The following FHIP2A variants were observed in gnomAD, a reference collection of about 807,000 sequenced individuals.
FHIP2A encodes family with sequence similarity 160 member B1.
Under a neutral mutation model 93.5 loss-of-function variants are expected in FHIP2A, and 46 were observed. That is an observed-to-expected ratio of 0.49 (90% CI 0.39 to 0.63). The LOEUF is 0.63. Ranked by LOEUF, FHIP2A falls within the 20% of genes least tolerant of loss-of-function variation. The pLI is 0.00. For missense variants in FHIP2A, 769 were observed against 909.7 expected, an observed-to-expected ratio of 0.85 and a Z score of 1.99; for synonymous variants, 332 against 326.5, an observed-to-expected ratio of 1.02 and a Z score of -0.18.
Position 114,855,210 on chromosome 10 carries a change from G to T in FHIP2A, c.1817G>T (p.Cys606Phe), listed in dbSNP as rs1319980593. The T allele has an allele frequency of 1.9e-6, 3 of 1,613,684 alleles. No individual in the cohort carries two copies. Among genetic ancestry groups the T allele is most frequent in the Non-Finnish European group, 2.5e-6 (3 of 1,179,878 alleles). Reference sequence around the variant, plus strand: ...TTTTCCCCCTAGTTCCGAGACTACTGTGCTATCTGCTTAAGATGGGAGTGG... The same window carrying T: ...TTTTCCCCCTAGTTCCGAGACTACTTTGCTATCTGCTTAAGATGGGAGTGG... ...RDAHRQFRDY[C>F]AICLRWEWPG... The change falls in exon 14 of 17, where the codon TGT becomes TTT. Residue 606 changes from cysteine to phenylalanine, a missense_variant. Physicochemically the swap from Cys to Phe is radical, Grantham distance 205. Transcript: ENST00000369248.
At position 114,822,044 on chromosome 10, in the gene FHIP2A, CGTCCCGGGAGAGGCTGCTGCA is replaced by C. The variant is rs2143008757; in HGVS notation, c.-25_-5del. On this transcript the variant is annotated 5_prime_UTR_variant, in exon 1 of 17. Transcript: ENST00000369248. ...CGGCGGATCGAGGAGCTCTCCAGGTCGTCCCGGGAGAGGCTGCTGCAGTCCCGGGACAGGATGTTCTCCAAG... is the reference window on the plus strand; with the variant it reads ...CGGCGGATCGAGGAGCTCTCCAGGTCGTCCCGGGACAGGATGTTCTCCAAG... 3.2e-6 allele frequency: 4 copies of C among 1,256,854 alleles called. No homozygotes were observed. The highest frequency in any genetic ancestry group is 4.1e-6 in the Non-Finnish European group (4 of 976,992). The allele number at this position is 1,256,854 out of a possible 1,614,324, so 77.9% of individuals were successfully genotyped here.
At chr10:114,876,100 C>T (rs886111446) in intron 16 of FHIP2A, among the ~76,000 whole-genome samples, 1 of 152,182 alleles carries the variant, frequency 6.6e-6, no homozygotes, top group Non-Finnish European at 1.5e-5. Flanking sequence ...GGCCCCCACC[C>T]TCCCGCTCAC....
At chr10:114,899,188 T>G (rs1214020194) in intron 16 of FHIP2A, among the ~76,000 whole-genome samples, 1 of 152,188 alleles carries the variant, frequency 6.6e-6, no homozygotes, top group Non-Finnish European at 1.5e-5. Flanking sequence ...AAGAAAACAT[T>G]GTTATTTTAA....
At chr10:114,830,448 T>A (rs566937922) in intron 1 of FHIP2A, among the ~76,000 whole-genome samples, 99 of 152,028 alleles carry the variant, frequency 6.5e-4, no homozygotes, top group Non-Finnish European at 1.3e-3. Context: ...AATTTTTGTA[T>A]TTTTAGTAGA....
rs2083635588 is a variant in FHIP2A, at chr10:114,836,140, G to A, written c.416G>A (p.Cys139Tyr). 1 of 1,587,906 alleles carries A rather than the reference G, an allele frequency of 6.3e-7. No individual in the cohort carries two copies. The highest frequency in any genetic ancestry group is 8.6e-7 in the Non-Finnish European group (1 of 1,161,702). The change falls in exon 5 of 17, where the codon TGT (cysteine) becomes TAT (tyrosine). Residue 139 changes from cysteine (C) to tyrosine (Y), a missense_variant. Cys to Tyr is a radical substitution (Grantham distance 194). Coordinates refer to ENST00000369248, the MANE Select transcript of FHIP2A (RefSeq NM_020940.4). ...TTTTCACAGAAATTAATTAGACTCT[G>A]TGGTGAAGTCCTAGCAACACCAACA... ...HRPVQKLIRL[C>Y]GEVLATPTEN...
chr10:114,864,202 A>G lies in FHIP2A; in HGVS notation c.*2662A>G. Reference sequence around the variant, plus strand: ...ATTGTTACACTTAATTTTACAGGGCACAAATTATGGAATTACTTCATAAAT... The same window carrying G: ...ATTGTTACACTTAATTTTACAGGGCGCAAATTATGGAATTACTTCATAAAT... On this transcript the variant is annotated 3_prime_UTR_variant, in exon 17 of 17. Transcript: ENST00000369248. 6 of 984,888 alleles carry G rather than the reference A, an allele frequency of 6.1e-6. No individual in the cohort carries two copies. The highest frequency in any genetic ancestry group is 7.2e-6 in the Non-Finnish European group (6 of 829,060). The allele number at this position is 984,888 out of a possible 1,614,324, so 61.0% of individuals were successfully genotyped here.
In FHIP2A at chr10:114,843,924, G is replaced by A; in HGVS notation, c.1000G>A (p.Ala334Thr). The A allele has an allele frequency of 1.3e-6, 2 of 1,568,612 alleles. No homozygotes were observed. Among genetic ancestry groups the A allele is most frequent in the Non-Finnish European group, 1.7e-6 (2 of 1,165,364 alleles). ...VDPLDIETVE[A>T]INWGLDSYSH... is the part of the protein sequence containing the mutation. ...TCCGTTAGATATTGAAACCGTGGAAGCAATTAACTGGGGGTAAGCACCGTT... is the reference window on the plus strand; with the variant it reads ...TCCGTTAGATATTGAAACCGTGGAAACAATTAACTGGGGGTAAGCACCGTT... Residue 334 changes from alanine (A) to threonine (T), a missense_variant, in exon 7 of 17, where the codon GCA (alanine) becomes ACA (threonine). Transcript: ENST00000369248.
At chr10:114,824,595 C>T (rs2083562779) in intron 1 of FHIP2A, among the ~76,000 whole-genome samples, 1 of 151,988 alleles carries the variant, frequency 6.6e-6, no homozygotes, top group South Asian at 2.1e-4. Flanking sequence ...ACCTTTTTTT[C>T]CCCCCTTTTA....
In FHIP2A at chr10:114,846,092, G is replaced by A. The variant is rs2083699146; in HGVS notation, c.1205+3G>A. On this transcript the variant is annotated splice_donor_region_variant and intron_variant, in intron 9 of 16. Coordinates refer to ENST00000369248, the MANE Select transcript of FHIP2A (RefSeq NM_020940.4). The stretch of plus-strand genomic sequence containing the variant: ...ATGGAACCTCAATTAATGCAAACGT[G>A]AGTAGCCTGTTTTCTTTTGAAAAAA... The A allele has an allele frequency of 5.6e-6, 9 of 1,613,606 alleles. No homozygotes were observed. The highest frequency in any genetic ancestry group is 7.6e-6 in the Non-Finnish European group (9 of 1,179,722).
chr10:114,849,214 C>G (rs2083720262), intron 13 of FHIP2A, among the ~76,000 whole-genome samples: 1 of 151,602 alleles, frequency 6.6e-6, no homozygotes, highest in African/African-American at 2.4e-5. Flanking sequence ...TTGCACTTCA[C>G]CGATTGTGTG....
intron 7 of FHIP2A, 51 bp from the exon 8 acceptor site, chr10:114,845,316 G>A (rs986188535): frequency 2.0e-6 from 2 of 1,006,172 alleles, no homozygotes; most frequent in Non-Finnish European, 3.2e-6. Flanking sequence ...TCTGAATAGG[G>A]TCCATGCTTT....
intron 5 of FHIP2A, among the ~76,000 whole-genome samples, chr10:114,838,397 TCGTGATGTG>T (rs1462846337): frequency 2.6e-5 from 4 of 152,210 alleles, no homozygotes; most frequent in Admixed American, 6.5e-5. Context: ...CGTGTGTTGT[TCGTGATGTG>T]CGTTATATTT....
chr10:114,826,292 G>A (rs2083575565), intron 1 of FHIP2A, among the ~76,000 whole-genome samples: 1 of 152,204 alleles, frequency 6.6e-6, no homozygotes, highest in African/African-American at 2.4e-5. Flanking sequence ...GAATGCCTAA[G>A]AATGTGTTCT....
rs2083807188 is a variant in FHIP2A, at chr10:114,862,634, T to C, written c.*1094T>C. 5.1e-6 allele frequency: 5 copies of C among 985,610 alleles called. No individual in the cohort carries two copies. The highest frequency in any genetic ancestry group is 6.1e-5 in the Admixed American group (1 of 16,280). 61.1% of individuals were successfully genotyped at this position (985,610 alleles called of 1,614,324 possible). A position where few individuals can be genotyped will look rare whatever the true frequency, so the allele number is the denominator to read the frequency against. ...GGGTATGTATGTGAATGGGTGTACA[T>C]GTAGGAACCTGTAGTTCAGCAAAGC... is the stretch of plus-strand genomic sequence containing the variant. On this transcript the variant is annotated 3_prime_UTR_variant, in exon 17 of 17. Transcript: ENST00000369248.
intron 1 of FHIP2A, among the ~76,000 whole-genome samples, chr10:114,828,771 G>T (rs964604203): frequency 2.0e-5 from 3 of 151,878 alleles, no homozygotes; most frequent in Non-Finnish European, 2.9e-5. Context: ...TACTCCCAAA[G>T]ATTTTAACTC....
intron 16 of FHIP2A, among the ~76,000 whole-genome samples, chr10:114,874,396 A>G (rs747210230): frequency 2.6e-5 from 4 of 152,256 alleles, no homozygotes; most frequent in Non-Finnish European, 5.9e-5. Context: ...ATTAGCTAGT[A>G]ACTAGCACAA....
chr10:114,881,504 C>T (rs1566386783), intron 16 of FHIP2A, among the ~76,000 whole-genome samples: 1 of 152,062 alleles, frequency 6.6e-6, no homozygotes, highest in South Asian at 2.1e-4. Context: ...CCAGGATTCC[C>T]CAGCTGGCCA....
At chr10:114,842,196 G>A (rs1303452257) in intron 5 of FHIP2A, among the ~76,000 whole-genome samples, 1 of 151,986 alleles carries the variant, frequency 6.6e-6, no homozygotes, top group Non-Finnish European at 1.5e-5. Context: ...CAAGGCCTAG[G>A]ACCATAGGTG....
intron 16 of FHIP2A, among the ~76,000 whole-genome samples, chr10:114,875,588 C>T (rs913207011): frequency 6.6e-6 from 1 of 151,956 alleles, no homozygotes; most frequent in Non-Finnish European, 1.5e-5. Context: ...CCCAGCTACT[C>T]AGGAGGCTGA....
Sources: allele counts gnomAD v4.1 joint callset (sites outside exome capture counted in the v4.1 genomes callset), GRCh38; gene constraint gnomAD v4.1.1; transcripts MANE v1.5; gene names NCBI Gene and HGNC (gene_info 2026-07-23, HGNC 2026-07-21).